The following TTC28 variants were observed in gnomAD, a reference collection of about 807,000 sequenced individuals.
TTC28 encodes the protein tetratricopeptide repeat protein 28.
A neutral mutation model predicts 198.0 loss-of-function variants in TTC28; 61 were observed. The observed-to-expected ratio is 0.31, with a 90% CI of 0.25 to 0.38. The LOEUF (loss-of-function observed/expected upper bound fraction) is 0.38. Among genes scored for constraint, TTC28 ranks in the 10% least tolerant of loss-of-function variants. TTC28 has a pLI of 1.00. For synonymous variants in TTC28, 1,171 were observed against 1,297.8 expected (o/e 0.90, Z 2.10); for missense variants, 2,678 against 3,164.0 (o/e 0.85, Z 3.69).
intron 6 of TTC28, among the ~76,000 whole-genome samples, chr22:28,133,172 G>T (rs1412596382): frequency 6.6e-6 from 1 of 152,206 alleles, no homozygotes; most frequent in Admixed American, 6.5e-5. Context: ...GCCGTGAGGT[G>T]AGATCGTGCC....
chr22:28,120,042 G>A (rs1942743028), intron 6 of TTC28, among the ~76,000 whole-genome samples: 1 of 152,092 alleles, frequency 6.6e-6, no homozygotes, highest in Admixed American at 6.5e-5. Context: ...ATTTCACAAT[G>A]ATTATTAATA....
In TTC28 at chr22:28,220,858, T is replaced by C. The variant is rs79111819; in HGVS notation, c.934-57259A>G. Among the ~76,000 whole-genome samples, 1,203 of 152,044 alleles carry C rather than the reference T, an allele frequency of 7.9e-3. 24 individuals carry two copies. Among genetic ancestry groups the C allele is most frequent in the African/African-American group, 0.027 (1,109 of 41,468 alleles). On this transcript the variant is annotated intron_variant, in intron 5 of 22. Coordinates refer to ENST00000397906, the MANE Select transcript of TTC28 (RefSeq NM_001145418.2). Reference sequence around the variant, plus strand: ...ATGCTGGAGCATGTAGTGTGACTAGTAGAGAATAGGAAAAATTTGAAACAA... The same window carrying C: ...ATGCTGGAGCATGTAGTGTGACTAGCAGAGAATAGGAAAAATTTGAAACAA...
chr22:28,385,116 G>A (rs1166213133), intron 2 of TTC28, among the ~76,000 whole-genome samples: 10 of 148,820 alleles, frequency 6.7e-5, no homozygotes, highest in Non-Finnish European at 1.5e-4. Context: ...ACTCCAGCCT[G>A]GGCAACAAGA....
intron 5 of TTC28, among the ~76,000 whole-genome samples, chr22:28,185,359 G>A (rs922541639): frequency 3.3e-5 from 5 of 152,052 alleles, no homozygotes; most frequent in African/African-American, 9.7e-5. Context: ...TACCGTGCAC[G>A]AGGCATGAAA....
chr22:28,025,272 A>C (rs1456566835), intron 13 of TTC28, among the ~76,000 whole-genome samples: 1 of 152,204 alleles, frequency 6.6e-6, no homozygotes, highest in Non-Finnish European at 1.5e-5. Context: ...GAGAGAAAGA[A>C]ACTACTTACT....
intron 12 of TTC28, among the ~76,000 whole-genome samples, chr22:28,032,166 GTGTATATATATATATATATATAAAATA>G (rs1288703060): frequency 3.6e-5 from 4 of 109,932 alleles, no homozygotes; most frequent in Admixed American, 3.1e-4. Flanking sequence ...TACTTAGTGT[GTGTATATATATATATATATATAAAATA>G]TATATATATA....
chr22:28,203,160 G>C lies in TTC28; in HGVS notation c.934-39561C>G, dbSNP rs187952511. 2.8e-3 allele frequency among the ~76,000 whole-genome samples: 432 copies of C among 152,202 alleles called. 4 individuals are homozygous for C. The highest frequency in any genetic ancestry group is 4.8e-3 in the Non-Finnish European group (324 of 68,018). ...GTGGAAAAAAAACATGGTAAAGTGA[G>C]GCAAACATGGACTTTAGAGTCAGTC... On this transcript the variant is annotated intron_variant, in intron 5 of 22. Coordinates refer to ENST00000397906, the MANE Select transcript of TTC28 (RefSeq NM_001145418.2).
chr22:28,099,301 C>T (rs1252218755), intron 9 of TTC28, among the ~76,000 whole-genome samples: 3 of 152,240 alleles, frequency 2.0e-5, no homozygotes, highest in African/African-American at 7.2e-5. Flanking sequence ...CATGTAACGA[C>T]ACCATGTGAG....
chr22:28,599,045 G>A (rs751654494), intron 2 of TTC28, among the ~76,000 whole-genome samples: 1 of 152,152 alleles, frequency 6.6e-6, no homozygotes, highest in Non-Finnish European at 1.5e-5. Flanking sequence ...CTACTTCTCT[G>A]TGCGCTATAT....
intron 2 of TTC28, among the ~76,000 whole-genome samples, chr22:28,438,679 A>C (rs1014130066): frequency 3.3e-5 from 5 of 152,256 alleles, no homozygotes; most frequent in African/African-American, 1.2e-4. Flanking sequence ...GATTTTAAAG[A>C]GCAGAAATAG....
At chr22:28,643,610 A>C (rs1026004986) in intron 1 of TTC28, among the ~76,000 whole-genome samples, 1 of 152,214 alleles carries the variant, frequency 6.6e-6, no homozygotes, top group African/African-American at 2.4e-5. Context: ...CCTCACCCAC[A>C]TCTTTGAAAA....
intron 5 of TTC28, among the ~76,000 whole-genome samples, chr22:28,190,142 C>A (rs1375942083): frequency 3.9e-5 from 6 of 152,184 alleles, no homozygotes; most frequent in African/African-American, 1.4e-4. Flanking sequence ...GCTGGCTGTG[C>A]CCACAACCTG....
At chr22:28,300,704 G>A (rs1394263659) in intron 3 of TTC28, among the ~76,000 whole-genome samples, 1 of 152,078 alleles carries the variant, frequency 6.6e-6, no homozygotes, top group South Asian at 2.1e-4. Context: ...AAAAGAGTAG[G>A]GCTTAGACAA....
intron 2 of TTC28, among the ~76,000 whole-genome samples, chr22:28,619,849 G>A (rs2050964747): frequency 6.6e-6 from 1 of 152,102 alleles, no homozygotes; most frequent in African/African-American, 2.4e-5. Flanking sequence ...GTGGAAAAAT[G>A]GTAAAATAAT....
chr22:28,444,362 G>T (rs1278024243), intron 2 of TTC28, among the ~76,000 whole-genome samples: 2 of 152,262 alleles, frequency 1.3e-5, no homozygotes, highest in South Asian at 4.1e-4. Flanking sequence ...GAGATTATAT[G>T]CAGATTGATC....
chr22:28,274,999 A>AAGAG (rs1249200888), intron 5 of TTC28, among the ~76,000 whole-genome samples: 1 of 147,538 alleles, frequency 6.8e-6, no homozygotes, highest in Non-Finnish European at 1.5e-5. Context: ...AAAAAAAAAA[A>AAGAG]AGAGAGAGAG....
intron 12 of TTC28, among the ~76,000 whole-genome samples, chr22:28,078,951 A>T (rs908672215): frequency 6.6e-6 from 1 of 152,206 alleles, no homozygotes; most frequent in African/African-American, 2.4e-5. Context: ...CCCTTGGTGT[A>T]AACTAGGAGG....
At chr22:28,634,373 G>C (rs967912869) in intron 1 of TTC28, among the ~76,000 whole-genome samples, 1 of 151,910 alleles carries the variant, frequency 6.6e-6, no homozygotes, top group African/African-American at 2.4e-5. Flanking sequence ...AGCTGGCCGT[G>C]GTGGCACGAG....
At chr22:28,279,980 C>A (rs1041759839) in intron 5 of TTC28, among the ~76,000 whole-genome samples, 1 of 152,176 alleles carries the variant, frequency 6.6e-6, no homozygotes, top group Non-Finnish European at 1.5e-5. Flanking sequence ...GTTTTTACAT[C>A]CATTCTTCCA....
Sources: allele counts gnomAD v4.1 joint callset (sites outside exome capture counted in the v4.1 genomes callset), GRCh38; gene constraint gnomAD v4.1.1; transcripts MANE v1.5; gene names NCBI Gene and HGNC (gene_info 2026-07-23, HGNC 2026-07-21).